Variants in NRG1 observed in about 807,000 individuals in gnomAD.
NRG1 encodes neuregulin 1.
Under a neutral mutation model 63.8 loss-of-function variants are expected in NRG1, and 18 were observed. The ratio of observed to expected loss-of-function variants is 0.28; its 90% CI spans 0.19 to 0.42. The LOEUF (loss-of-function observed/expected upper bound fraction) is 0.42. NRG1 is among the 10% of genes least tolerant of loss of function. The pLI, the probability that NRG1 is intolerant of heterozygous loss-of-function variation, is 1.00. For missense variants in NRG1, 762 were observed against 814.7 expected, an observed-to-expected ratio of 0.94 and a Z score of 0.79; for synonymous variants, 302 against 301.3, an observed-to-expected ratio of 1.00 and a Z score of -0.02.
At chr8:31,642,737 C>A (rs991560595) in intron 1 of NRG1, among the ~76,000 whole-genome samples, 10 of 151,930 alleles carry the variant, frequency 6.6e-5, no homozygotes, top group African/African-American at 2.2e-4. Context: ...AAGTTACTGC[C>A]CTGGATTTCT....
At chr8:31,862,424 C>G (rs1355939833) in intron 1 of NRG1, among the ~76,000 whole-genome samples, 1 of 152,124 alleles carries the variant, frequency 6.6e-6, no homozygotes, top group Non-Finnish European at 1.5e-5. Context: ...TTCCATGTAG[C>G]CTGATACTAA....
intron 1 of NRG1, among the ~76,000 whole-genome samples, chr8:31,811,502 G>T (rs1029078188): frequency 6.6e-6 from 1 of 152,058 alleles, no homozygotes; most frequent in African/African-American, 2.4e-5. Flanking sequence ...AAGATTTGGC[G>T]TACAGGGAAA....
chr8:32,410,952 T>G (rs1814843761), intron 1 of NRG1, among the ~76,000 whole-genome samples: 1 of 151,574 alleles, frequency 6.6e-6, no homozygotes. Context: ...CTCGGTTCAC[T>G]GCAACCTCCA....
At position 31,919,969 on chromosome 8, in the gene NRG1, A is replaced by G. The variant is rs1023990509; in HGVS notation, c.37+280538A>G. The stretch of plus-strand genomic sequence containing the variant: ...TACTTATAAAAAACTAAATGCATCA[A>G]CCCACAGATTTTTTGTCTTATGGCC... On this transcript the variant is annotated intron_variant, in intron 1 of 10. Transcript: ENST00000519301. Among the ~76,000 whole-genome samples, 6 of 152,284 alleles carry G rather than the reference A, an allele frequency of 3.9e-5. 1 individual carries two copies. Among genetic ancestry groups the G allele is most frequent in the Admixed American group, 3.9e-4 (6 of 15,274 alleles).
chr8:32,435,187 T>C (rs564732513), intron 1 of NRG1, among the ~76,000 whole-genome samples: 2 of 152,298 alleles, frequency 1.3e-5, no homozygotes, highest in East Asian at 3.9e-4. Flanking sequence ...TCAGATCCTT[T>C]CTAGATTCAC....
chr8:32,279,119 G>A (rs982731495), intron 1 of NRG1, among the ~76,000 whole-genome samples: 11 of 152,246 alleles, frequency 7.2e-5, no homozygotes, highest in East Asian at 1.9e-4. Context: ...CCCCAGAGAC[G>A]CTGCTACTTG....
intron 1 of NRG1, among the ~76,000 whole-genome samples, chr8:31,651,811 TC>T (rs1804873577): frequency 6.6e-6 from 1 of 152,060 alleles, no homozygotes; most frequent in Non-Finnish European, 1.5e-5. Flanking sequence ...GTTTAACGTC[TC>T]CGACCCCTGG....
intron 1 of NRG1, among the ~76,000 whole-genome samples, chr8:31,887,837 GA>G (rs1287132040): frequency 6.6e-6 from 1 of 151,952 alleles, no homozygotes; most frequent in Non-Finnish European, 1.5e-5. Context: ...ATTTAGATTA[GA>G]TAAAGGAAGT....
chr8:32,537,830 T>A (rs1374185454), intron 1 of NRG1, among the ~76,000 whole-genome samples: 1 of 152,112 alleles, frequency 6.6e-6, no homozygotes, highest in Non-Finnish European at 1.5e-5. Flanking sequence ...GGCTTCTCCT[T>A]CTCAGGTTTT....
intron 1 of NRG1, among the ~76,000 whole-genome samples, chr8:31,746,225 C>G (rs1006015910): frequency 6.6e-6 from 1 of 151,950 alleles, no homozygotes; most frequent in Non-Finnish European, 1.5e-5. Flanking sequence ...CCAACAAGCC[C>G]AAGCTTTTGT....
intron 1 of NRG1, chr8:31,641,778 C>T (rs769072729): frequency 6.6e-6 from 1 of 152,060 alleles, no homozygotes; most frequent in South Asian, 2.1e-4. Flanking sequence ...TTTATGTATC[C>T]GTCTAATAGA....
intron 1 of NRG1, among the ~76,000 whole-genome samples, chr8:32,438,032 A>G (rs1487560766): frequency 2.0e-5 from 3 of 152,154 alleles, no homozygotes; most frequent in Non-Finnish European, 4.4e-5. Context: ...TAATGCAAAC[A>G]ATACTTTTTA....
At chr8:31,851,391 C>T (rs967777580) in intron 1 of NRG1, among the ~76,000 whole-genome samples, 6 of 152,030 alleles carry the variant, frequency 3.9e-5, no homozygotes, top group Non-Finnish European at 8.8e-5. Flanking sequence ...TTTTATGATG[C>T]CTGGTTGGTG....
chr8:31,668,925 G>T (rs1265027401), intron 1 of NRG1, among the ~76,000 whole-genome samples: 1 of 152,182 alleles, frequency 6.6e-6, no homozygotes, highest in Admixed American at 6.5e-5. Flanking sequence ...TTGGATTTTG[G>T]ATTTTTGTGG....
chr8:32,738,977 A>G (rs1309410479), intron 6 of NRG1, among the ~76,000 whole-genome samples: 1 of 152,218 alleles, frequency 6.6e-6, no homozygotes, highest in East Asian at 1.9e-4. Flanking sequence ...CTGACTGGTA[A>G]TGCATTCAGA....
rs74324147 is a variant in NRG1 at position 31,801,018 on chromosome 8, T to G, written c.37+161587T>G. On this transcript the variant is annotated intron_variant, in intron 1 of 10. Coordinates refer to the NRG1 transcript ENST00000519301. ...ACCACGCCCGCCAATTTTTTTGTAT[T>G]TTTTTTTTTTAGTAGAGACGGGGTT... Among the ~76,000 whole-genome samples the G allele has an allele frequency of 6.3e-4, 7 of 11,084 alleles. No homozygotes were observed. In the Admixed American group the frequency reaches 7.2e-3, roughly 11 times the overall value. 7.3% of individuals were successfully genotyped at this position (11,084 alleles called of 152,430 possible). A position where few individuals can be genotyped will look rare whatever the true frequency, so the allele number is the denominator to read the frequency against.
At chr8:32,527,626 T>G (rs758002938) in intron 1 of NRG1, among the ~76,000 whole-genome samples, 93 of 152,092 alleles carry the variant, frequency 6.1e-4, no homozygotes, top group Non-Finnish European at 1.1e-3. Context: ...AAACTGCACT[T>G]GTACCTTCTA....
At position 32,761,864 on chromosome 8, in the gene NRG1, C is replaced by T. The variant is rs1460454567; in HGVS notation, c.1259+1458C>T. ...GACCATCCTGGCCAACATGGTGAAA[C>T]CCCATCTCTACTAAAAATACAAAAA... On this transcript the variant is annotated intron_variant, in intron 11 of 11. Transcript: ENST00000356819. Among the ~76,000 whole-genome samples the T allele has an allele frequency of 2.6e-5, 4 of 151,648 alleles. No individual in the cohort carries two copies. In the East Asian group the frequency reaches 7.8e-4, roughly 29 times the overall value.
At chr8:31,639,758 T>C (rs1243567447) in intron 1 of NRG1, 1 of 1,365,166 alleles carries the variant, frequency 7.3e-7, no homozygotes, top group African/African-American at 1.5e-5. Flanking sequence ...GCCTTTTTTT[T>C]TTTTGCCCTT....
Sources: gnomAD v4.1 joint callset for allele counts (sites outside exome capture counted in the v4.1 genomes callset) on GRCh38, gnomAD v4.1.1 for gene constraint, MANE v1.5 for transcripts, NCBI Gene and HGNC (gene_info 2026-07-23, HGNC 2026-07-21) for gene names.